ARHGAP44: variants seen among roughly 807,000 people sequenced by gnomAD.
ARHGAP44 encodes the protein Rho GTPase activating protein 44.
ARHGAP44 carries 43 observed loss-of-function variants against 106.8 expected under a neutral mutation model. The observed-to-expected ratio is 0.40, with a 90% CI of 0.32 to 0.52. The LOEUF (loss-of-function observed/expected upper bound fraction) is 0.52, where lower values mean the gene tolerates loss of function less well. ARHGAP44 is among the 20% of genes least tolerant of loss of function. The pLI is 0.48. For missense variants in ARHGAP44, 866 were observed against 1,050.5 expected, an observed-to-expected ratio of 0.82 and a Z score of 2.43; for synonymous variants, 439 against 410.3, an observed-to-expected ratio of 1.07 and a Z score of -0.85.
intron 3 of ARHGAP44, among the ~76,000 whole-genome samples, chr17:12,907,071 T>C (rs540765712): frequency 6.6e-6 from 1 of 152,176 alleles, no homozygotes; most frequent in South Asian, 2.1e-4. Flanking sequence ...TCCATAAATA[T>C]TGGATTAGTA....
intron 1 of ARHGAP44, among the ~76,000 whole-genome samples, chr17:12,843,724 C>T (rs1013702613): frequency 7.3e-6 from 1 of 136,648 alleles, no homozygotes; most frequent in African/African-American, 2.8e-5. Context: ...GGCGTGATCT[C>T]TGCTCACTGC....
chr17:12,978,329 T>A (rs151250142), intron 18 of ARHGAP44, among the ~76,000 whole-genome samples: 24 of 152,336 alleles, frequency 1.6e-4, no homozygotes, highest in African/African-American at 5.5e-4. Context: ...AAGGGTTTTC[T>A]GTTTCTGTTT....
intron 1 of ARHGAP44, among the ~76,000 whole-genome samples, chr17:12,844,700 A>G (rs945054703): frequency 6.6e-6 from 1 of 152,234 alleles, no homozygotes; most frequent in African/African-American, 2.4e-5. Context: ...AAGCTGGATA[A>G]TGAAAAACTC....
At chr17:12,828,311 C>T (rs79197889) in intron 1 of ARHGAP44, among the ~76,000 whole-genome samples, 2,905 of 151,968 alleles carry the variant, frequency 0.019, 83 homozygotes, top group African/African-American at 0.065. Flanking sequence ...TCCTGTTAAC[C>T]ACATTTCTTC....
At chr17:12,903,125 A>AGAGG (rs1567677724) in intron 3 of ARHGAP44, among the ~76,000 whole-genome samples, 73 of 72,724 alleles carry the variant, frequency 1.0e-3, no homozygotes, top group Admixed American at 2.0e-3. Context: ...AGAGAGAGAG[A>AGAGG]GGAGAGAGAG....
chr17:12,974,269 TC>T lies in ARHGAP44; in HGVS notation c.1724del (p.Pro575HisfsTer118). 1 of 1,500,740 alleles carries T rather than the reference TC, an allele frequency of 6.7e-7. No homozygotes were observed. 93.0% of individuals were successfully genotyped at this position (1,500,740 alleles called of 1,614,324 possible). On this transcript the variant is annotated frameshift_variant, in exon 18 of 21. Coordinates refer to ENST00000379672, the MANE Select transcript of ARHGAP44 (RefSeq NM_014859.6). LOFTEE classifies it high-confidence loss of function. ...ACAGCCCCGCGGCCCCCGCGCTCTC[TC>T]CATCCGGCCTGGGCCTCCAGCCTGG... ...LDSPAAPALS[P>X]SGLGLQPGPE... is the part of the protein sequence containing the mutation.
intron 1 of ARHGAP44, among the ~76,000 whole-genome samples, chr17:12,854,539 C>A (rs1167625725): frequency 1.3e-5 from 2 of 152,108 alleles, no homozygotes; most frequent in Non-Finnish European, 2.9e-5. Flanking sequence ...TGGTTTCTGA[C>A]ACAACTAATA....
intron 18 of ARHGAP44, 95 bp downstream of exon 18, chr17:12,974,405 C>G (rs1185613727): frequency 9.6e-7 from 1 of 1,044,908 alleles, no homozygotes; most frequent in Non-Finnish European, 1.3e-6. Flanking sequence ...TTCGTCGTTT[C>G]CCATGCCCCC....
intron 1 of ARHGAP44, among the ~76,000 whole-genome samples, chr17:12,803,479 C>T (rs1309552399): frequency 1.3e-5 from 2 of 152,024 alleles, no homozygotes; most frequent in East Asian, 3.9e-4. Context: ...TATATTTTAT[C>T]TGTTTCTCCT....
intron 5 of ARHGAP44, among the ~76,000 whole-genome samples, chr17:12,917,738 G>A (rs2037960371): frequency 6.6e-6 from 1 of 152,168 alleles, no homozygotes; most frequent in East Asian, 1.9e-4. Context: ...CTCAATCTGT[G>A]CCGTTTGATA....
intron 1 of ARHGAP44, among the ~76,000 whole-genome samples, chr17:12,860,022 G>C (rs1260701667): frequency 1.3e-5 from 2 of 152,164 alleles, no homozygotes; most frequent in Non-Finnish European, 2.9e-5. Context: ...TAGGGCAGAA[G>C]AACTGCCTAG....
intron 1 of ARHGAP44, among the ~76,000 whole-genome samples, chr17:12,855,840 C>T (rs1304059644): frequency 6.6e-6 from 1 of 151,892 alleles, no homozygotes; most frequent in Non-Finnish European, 1.5e-5. Flanking sequence ...AACACAGAAA[C>T]AAAAATAACA....
rs575928756 is a variant in ARHGAP44, at chr17:12,894,227, T to A, written c.54-713T>A. Among the ~76,000 whole-genome samples the A allele has an allele frequency of 1.4e-3, 213 of 147,346 alleles. 2 individuals are homozygous for A. Among genetic ancestry groups the A allele is most frequent in the African/African-American group, 4.6e-3 (178 of 38,676 alleles). ...TTTGCTGTGTTTGTGTGTGTGTGTG[T>A]GAGAGAGAGAGAGAGTGTGTGTGTG... On this transcript the variant is annotated intron_variant, in intron 1 of 20. Transcript: ENST00000379672.
At chr17:12,933,032 C>T (rs2038445798) in intron 7 of ARHGAP44, among the ~76,000 whole-genome samples, 1 of 152,146 alleles carries the variant, frequency 6.6e-6, no homozygotes, top group Admixed American at 6.5e-5. Flanking sequence ...TCAAGGGAGT[C>T]TCATTTGTGT....
chr17:12,845,510 A>AC (rs1567644989), intron 1 of ARHGAP44, among the ~76,000 whole-genome samples: 2 of 128,864 alleles, frequency 1.6e-5, no homozygotes, highest in African/African-American at 6.1e-5. Context: ...CCGTCTCAAA[A>AC]AAAAAAAAAA....
At chr17:12,951,111 T>A (rs1191154219) in intron 12 of ARHGAP44, among the ~76,000 whole-genome samples, 1 of 152,234 alleles carries the variant, frequency 6.6e-6, no homozygotes, top group African/African-American at 2.4e-5. Context: ...TGGTTCTCTT[T>A]TATCTCATTG....
chr17:12,952,314 G>A (rs1474787006), intron 12 of ARHGAP44, among the ~76,000 whole-genome samples, 187 bp from the exon 13 acceptor site: 5 of 152,092 alleles, frequency 3.3e-5, no homozygotes, highest in East Asian at 1.9e-4. Flanking sequence ...TGTTAAAATC[G>A]CACAGGACAA....
At chr17:12,986,453 T>C (rs757618995) in intron 20 of ARHGAP44, 1 of 152,048 alleles carries the variant, frequency 6.6e-6, no homozygotes, top group Admixed American at 6.6e-5. Context: ...GTAGTGTCAA[T>C]ACATAAGCAA....
intron 1 of ARHGAP44, among the ~76,000 whole-genome samples, chr17:12,837,125 T>A (rs2035261254): frequency 1.3e-5 from 2 of 152,126 alleles, no homozygotes; most frequent in South Asian, 4.1e-4. Context: ...GAAAGATAAC[T>A]AGGAAACACT....
Sources: allele counts gnomAD v4.1 joint callset (sites outside exome capture counted in the v4.1 genomes callset), GRCh38; gene constraint gnomAD v4.1.1; transcripts MANE v1.5; gene names NCBI Gene and HGNC (gene_info 2026-07-23, HGNC 2026-07-21).